The following DMD variants were observed in gnomAD, a reference collection of about 807,000 sequenced individuals.
DMD encodes mutant dystrophin.
DMD carries 63 observed loss-of-function variants against 330.1 expected under a neutral mutation model. The observed-to-expected ratio is 0.19, with a 90% CI of 0.16 to 0.24. DMD has a LOEUF of 0.24. Ranked by LOEUF, DMD falls within the 10% of genes least tolerant of loss-of-function variation. The pLI, the probability that DMD is intolerant of heterozygous loss-of-function variation, is 1.00. For synonymous variants in DMD, 1,223 were observed against 959.8 expected (o/e 1.27, Z -5.07); for missense variants, 3,344 against 2,684.1 (o/e 1.25, Z -5.43).
intron 67 of DMD, among the ~76,000 whole-genome samples, chrX:31,186,974 G>C (rs1181529723): frequency 8.9e-6 from 1 of 112,672 alleles, no homozygotes; most frequent in African/African-American, 3.2e-5. Flanking sequence ...CCTGTCAAAA[G>C]TGCTGCATCA....
chrX:32,956,706 C>G (rs1187967343), intron 2 of DMD, among the ~76,000 whole-genome samples: 1 of 110,910 alleles, frequency 9.0e-6, no homozygotes, highest in African/African-American at 3.3e-5. Context: ...TTTCTCTTGC[C>G]TGATTTCCCT....
chrX:33,295,946 T>C (rs780484788), intron 1 of DMD, among the ~76,000 whole-genome samples: 1 of 111,801 alleles, frequency 8.9e-6, no homozygotes, highest in Non-Finnish European at 1.9e-5. Context: ...GATGAGCTAA[T>C]ATGTGATGAC....
chrX:32,669,387 G>A (rs779200692), intron 9 of DMD, among the ~76,000 whole-genome samples: 34 of 111,637 alleles, frequency 3.0e-4, no homozygotes, highest in African/African-American at 1.1e-3. Context: ...TATCTGTTAT[G>A]TGATGGTACT....
intron 34 of DMD, 40 bp from the exon 35 acceptor site, chrX:32,365,239 T>C (rs2097850500): frequency 8.4e-7 from 1 of 1,184,417 alleles, no homozygotes; most frequent in Admixed American, 2.2e-5. Context: ...TAATGTCTTG[T>C]AGTCTTAAGA....
At chrX:32,562,191 G>T (rs2051097186) in intron 16 of DMD, among the ~76,000 whole-genome samples, 1 of 111,827 alleles carries the variant, frequency 8.9e-6, no homozygotes, top group Non-Finnish European at 1.9e-5. Context: ...CCTCCAGATA[G>T]CAAGAGTTAT....
chrX:32,715,425 C>G (rs956046623), intron 7 of DMD, among the ~76,000 whole-genome samples: 2 of 90,805 alleles, frequency 2.2e-5, no homozygotes, highest in South Asian at 1.1e-3. Context: ...TGCAGTGAGC[C>G]GAGATTGTGC....
intron 53 of DMD, among the ~76,000 whole-genome samples, chrX:31,663,305 G>A (rs2081239875): frequency 9.0e-6 from 1 of 111,191 alleles, no homozygotes; most frequent in African/African-American, 3.3e-5. Context: ...GGTAAAACTT[G>A]TCGGTTCCCC....
chrX:32,649,889 G>A (rs752315709), intron 9 of DMD, among the ~76,000 whole-genome samples: 40 of 111,287 alleles, frequency 3.6e-4, no homozygotes, highest in Admixed American at 8.7e-4. Flanking sequence ...ATATACGTAC[G>A]TAAGGCTGCT....
intron 44 of DMD, among the ~76,000 whole-genome samples, chrX:31,991,548 C>T (rs1603619388): frequency 1.8e-5 from 2 of 109,832 alleles, no homozygotes; most frequent in Non-Finnish European, 3.8e-5. Flanking sequence ...TGCGGTCATA[C>T]GGAGATATCC....
At chrX:32,723,120 T>A (rs1392990873) in intron 7 of DMD, among the ~76,000 whole-genome samples, 1 of 111,569 alleles carries the variant, frequency 9.0e-6, no homozygotes, top group Non-Finnish European at 1.9e-5. Context: ...ATACATATTT[T>A]GCGAAGAGTT....
intron 47 of DMD, among the ~76,000 whole-genome samples, chrX:31,887,880 T>C (rs2094178641): frequency 8.9e-6 from 1 of 112,443 alleles, no homozygotes; most frequent in Non-Finnish European, 1.9e-5. Context: ...ATTTGTTAAA[T>C]GAACAATCAT....
intron 62 of DMD, among the ~76,000 whole-genome samples, chrX:31,305,826 T>C (rs1342268600): frequency 1.8e-5 from 2 of 112,741 alleles, no homozygotes; most frequent in Admixed American, 1.9e-4. Flanking sequence ...AAAAGAAATA[T>C]TCAGGGCTGA....
intron 67 of DMD, among the ~76,000 whole-genome samples, chrX:31,184,188 C>T (rs955523015): frequency 4.5e-5 from 5 of 112,259 alleles, no homozygotes; most frequent in African/African-American, 1.6e-4. Flanking sequence ...GGATAACAGG[C>T]GTGAGCCACT....
intron 1 of DMD, among the ~76,000 whole-genome samples, chrX:33,251,501 G>C (rs1212803897): frequency 9.0e-6 from 1 of 111,532 alleles, no homozygotes; most frequent in African/African-American, 3.3e-5. Flanking sequence ...GCCTGGAATG[G>C]AGTGAAATTG....
At chrX:32,456,333 T>G (rs769862485) in intron 25 of DMD, among the ~76,000 whole-genome samples, 83 of 111,231 alleles carry the variant, frequency 7.5e-4, no homozygotes, top group Non-Finnish European at 1.3e-3. Context: ...CAATATGTCT[T>G]GCAATTGTAC....
intron 43 of DMD, among the ~76,000 whole-genome samples, chrX:32,286,783 T>A (rs939488886): frequency 9.0e-6 from 1 of 111,428 alleles, no homozygotes; most frequent in Non-Finnish European, 1.9e-5. Flanking sequence ...CCATGGAGGT[T>A]CCCTATAATT....
At chrX:32,589,482 GTATA>G (rs750131748) in intron 13 of DMD, among the ~76,000 whole-genome samples, 4 of 109,598 alleles carry the variant, frequency 3.6e-5, no homozygotes, top group East Asian at 5.7e-4. Context: ...ATGTACGTAT[GTATA>G]TATATAGAAA....
chrX:32,752,218 C>A (rs2070917956), intron 7 of DMD, among the ~76,000 whole-genome samples: 1 of 111,614 alleles, frequency 9.0e-6, no homozygotes, highest in African/African-American at 3.3e-5. Flanking sequence ...AAGCCACAAT[C>A]AATGCCAGCT....
chrX:31,218,938 A>G (rs893808428), intron 64 of DMD, among the ~76,000 whole-genome samples: 5 of 111,234 alleles, frequency 4.5e-5, no homozygotes, highest in Middle Eastern at 9.2e-3. Context: ...CTAGCCTCTC[A>G]GTTCCTTAAC....
Sources: gnomAD v4.1 joint callset for allele counts (sites outside exome capture counted in the v4.1 genomes callset) on GRCh38, gnomAD v4.1.1 for gene constraint, MANE v1.5 for transcripts, NCBI Gene and HGNC (gene_info 2026-07-23, HGNC 2026-07-21) for gene names.